PARP9: variants seen among roughly 807,000 people sequenced by gnomAD.
The protein encoded by PARP9 is protein mono-ADP-ribosyltransferase PARP9.
Under a neutral mutation model 68.8 loss-of-function variants are expected in PARP9, and 48 were observed. The ratio of observed to expected loss-of-function variants is 0.70; its 90% CI spans 0.55 to 0.89. The LOEUF is 0.89. PARP9 is among the 40% of genes least tolerant of loss of function. PARP9 has a pLI of 0.00. For synonymous variants in PARP9, 309 were observed against 333.8 expected, an observed-to-expected ratio of 0.93 and a Z score of 0.81; for missense variants, 806 against 969.3, an observed-to-expected ratio of 0.83 and a Z score of 2.24.
intron 8 of PARP9, among the ~76,000 whole-genome samples, chr3:122,538,810 C>T (rs969849730): frequency 7.9e-5 from 12 of 151,888 alleles, no homozygotes; most frequent in African/African-American, 7.3e-5. Flanking sequence ...AAAAACTAAG[C>T]GAAAATCATA....
chr3:122,559,283 T>C lies in PARP9; in HGVS notation c.15+323A>G, dbSNP rs561069271. ...TTCAAGTTTAGTAAGTGACTTCTAATCTGATCTTTCTCTATTCCCTTCTTT... is the reference window on the plus strand; with the variant it reads ...TTCAAGTTTAGTAAGTGACTTCTAACCTGATCTTTCTCTATTCCCTTCTTT... On this transcript the variant is annotated intron_variant, in intron 2 of 10. Transcript: ENST00000682323. Among the ~76,000 whole-genome samples the C allele has an allele frequency of 5.4e-4, 82 of 152,358 alleles. 1 individual carries two copies. Among genetic ancestry groups the C allele is most frequent in the Non-Finnish European group, 1.0e-3 (69 of 68,024 alleles).
At position 122,545,489 on chromosome 3, in the gene PARP9, C is replaced by T. The variant is rs779950742; in HGVS notation, c.1327G>A (p.Ala443Thr). 2 of 1,614,132 alleles carry T rather than the reference C, an allele frequency of 1.2e-6. No individual in the cohort carries two copies. The highest frequency in any genetic ancestry group is 1.7e-6 in the Non-Finnish European group (2 of 1,180,008). ...CTCTTTGCCATTTCAGAACTGAAAG[C>T]CTACAAGAAGCAAAACAGAGCAGAG... ...IFPTDLEIYK[A>T]FSSEMAKRSK... is the part of the protein sequence containing the mutation. The change falls in exon 7 of 11, where the codon GCT becomes ACT. Residue 443 changes from alanine (A) to threonine (T), a missense_variant and splice_region_variant. Physicochemically the swap from Ala to Thr is moderately conservative, Grantham distance 58 (BLOSUM62 0). Transcript: ENST00000682323.
At chr3:122,538,731 A>G (rs368575315) in intron 8 of PARP9, among the ~76,000 whole-genome samples, 40 of 151,920 alleles carry the variant, frequency 2.6e-4, no homozygotes, top group Non-Finnish European at 5.4e-4. Flanking sequence ...TAGGAGATCC[A>G]TGTTTCTTTG....
intron 10 of PARP9, chr3:122,533,860 A>G (rs1183543571): frequency 1.0e-6 from 1 of 985,342 alleles, no homozygotes; most frequent in Non-Finnish European, 1.2e-6. Flanking sequence ...TGGCCATCTA[A>G]ATTGACTGAG....
chr3:122,558,448 T>TA lies in PARP9; in HGVS notation c.34dup (p.Tyr12LeufsTer3). The TA allele has an allele frequency of 2.5e-6, 4 of 1,614,172 alleles. No homozygotes were observed. Among genetic ancestry groups the TA allele is most frequent in the Non-Finnish European group, 2.5e-6 (3 of 1,180,014 alleles). On this transcript the variant is annotated frameshift_variant, in exon 3 of 11. Coordinates refer to ENST00000682323, the MANE Select transcript of PARP9 (RefSeq NM_001146105.2). LOFTEE classifies it high-confidence loss of function. ...GGTAATCCTACCTGATTTTTCATTG[T>TA]AAGCTGCTGCTCCGGCCACCTGTGA... is the stretch of plus-strand genomic sequence containing the variant.
chr3:122,552,211 C>T (rs755577108), intron 5 of PARP9, among the ~76,000 whole-genome samples: 4 of 152,056 alleles, frequency 2.6e-5, no homozygotes, highest in South Asian at 2.1e-4. Flanking sequence ...TGAGCCACTG[C>T]GACAGACCTA....
In PARP9 at chr3:122,555,443, A is replaced by G; in HGVS notation, c.728T>C (p.Val243Ala). 1 of 1,614,156 alleles carries G rather than the reference A, an allele frequency of 6.2e-7. No individual in the cohort carries two copies. Among genetic ancestry groups the G allele is most frequent in the Non-Finnish European group, 8.5e-7 (1 of 1,180,038 alleles). The part of the protein sequence containing the change: ...MMSNLKEIHL[V>A]SNEDPTVAAF... ...AGCAACAGTAGGGTCCTCATTGCTC[A>G]CCAGGTGAATTTCTTTCAAATTACT... The change falls in exon 4 of 11, where the codon GTG (valine) becomes GCG (alanine). Residue 243 changes from valine (V) to alanine (A), a missense_variant. This residue lies in a region of PARP9 where 680 missense variants were observed against 858.8 expected (regional missense o/e 0.79). Coordinates refer to ENST00000682323, the MANE Select transcript of PARP9 (RefSeq NM_001146105.2).
At chr3:122,549,025 T>A (rs1323198803) in intron 6 of PARP9, among the ~76,000 whole-genome samples, 5 of 152,010 alleles carry the variant, frequency 3.3e-5, no homozygotes, top group Non-Finnish European at 7.4e-5. Context: ...TCATTTTTTT[T>A]TTTTTTGAGA....
At chr3:122,539,319 G>A (rs1481476545) in intron 8 of PARP9, among the ~76,000 whole-genome samples, 2 of 152,010 alleles carry the variant, frequency 1.3e-5, no homozygotes, top group African/African-American at 2.4e-5. Flanking sequence ...AGCACTTTTC[G>A]CTCTCCTCTA....
intron 10 of PARP9, chr3:122,534,343 C>T: frequency 1.0e-6 from 1 of 985,334 alleles, no homozygotes. Flanking sequence ...CTGGAAATAG[C>T]CAAGGGCCAC....
chr3:122,547,163 C>T (rs1249837990), intron 6 of PARP9, among the ~76,000 whole-genome samples: 1 of 136,428 alleles, frequency 7.3e-6, no homozygotes, highest in African/African-American at 2.8e-5. Context: ...GGTGCAATCT[C>T]GGGTCACTGC....
rs771270068 is a variant in PARP9 at position 122,550,781 on chromosome 3, C to T, written c.1129G>A (p.Glu377Lys). ...TGCTCAATGCATTTTTCCAAACACT[C>T]CTTCATTGCATGTTTTAATATCTGC... ...KPQILKHAMK[E>K]CLEKCIEQNI... Residue 377 changes from glutamate to lysine, a missense_variant, in exon 6 of 11, where the codon GAG becomes AAG. Coordinates refer to ENST00000682323, the MANE Select transcript of PARP9 (RefSeq NM_001146105.2). 4 of 1,613,834 alleles carry T rather than the reference C, an allele frequency of 2.5e-6. No individual in the cohort carries two copies. The highest frequency in any genetic ancestry group is 3.4e-6 in the Non-Finnish European group (4 of 1,179,868).
chr3:122,558,464 C>A lies in PARP9; in HGVS notation c.19G>T (p.Ala7Ser). The A allele has an allele frequency of 1.2e-6, 2 of 1,613,688 alleles. No homozygotes were observed. The highest frequency in any genetic ancestry group is 1.7e-6 in the Non-Finnish European group (2 of 1,179,804). Residue 7 changes from alanine (A) to serine (S), a missense_variant, in exon 3 of 11, where the codon GCC becomes TCC. By Grantham distance (99) the Ala-to-Ser change is moderately conservative. Around this residue, in one of 2 missense-constraint regions of PARP9, gnomAD observed 126 missense variants for 110.5 expected, o/e 1.14. Transcript: ENST00000682323. The part of the protein sequence containing the change: MDFSMV[A>S]GAAAYNEKSE... Reference sequence around the variant, plus strand: ...TTTTCATTGTAAGCTGCTGCTCCGGCCACCTGTGAAAAATGAGAATGGCTT... The same window carrying A: ...TTTTCATTGTAAGCTGCTGCTCCGGACACCTGTGAAAAATGAGAATGGCTT...
Position 122,528,710 on chromosome 3 carries a change from T to C in PARP9, c.2114A>G (p.Lys705Arg), listed in dbSNP as rs1220289680. The C allele has an allele frequency of 1.2e-6, 2 of 1,613,346 alleles. No individual in the cohort carries two copies. Among genetic ancestry groups the C allele is most frequent in the African/African-American group, 2.7e-5 (2 of 74,876 alleles). ...PKYGAGIYFTKNLKNLAEKAK... is the reference protein window; with the variant it reads ...PKYGAGIYFTRNLKNLAEKAK... ...CTTCTCTGCCAGGTTTTTGAGGTTC[T>C]TGGTGAAGTATATGCCAGCTCCGTA... The change falls in exon 11 of 11, where the codon AAG becomes AGG. Residue 705 changes from lysine (K) to arginine (R), a missense_variant. By Grantham distance (26) the Lys-to-Arg change is conservative. This residue lies in a region of PARP9 where 680 missense variants were observed against 858.8 expected (regional missense o/e 0.79). Transcript: ENST00000682323.
chr3:122,556,264 A>G, intron 3 of PARP9, 143 bp from the exon 4 acceptor site: 1 of 600,034 alleles, frequency 1.7e-6, no homozygotes, highest in Non-Finnish European at 2.8e-6. Flanking sequence ...AGTGCTCTTC[A>G]TGATTCTTCT....
chr3:122,552,135 G>C (rs2079253309), intron 5 of PARP9, among the ~76,000 whole-genome samples: 1 of 151,808 alleles, frequency 6.6e-6, no homozygotes, highest in African/African-American at 2.4e-5. Flanking sequence ...GCTTAGGCTG[G>C]TCTCAGACTC....
At chr3:122,534,004 G>C in intron 10 of PARP9, 1 of 985,446 alleles carries the variant, frequency 1.0e-6, no homozygotes, top group Non-Finnish European at 1.2e-6. Context: ...GTTCTCTCTA[G>C]CCTACAGAGA....
At chr3:122,564,623 G>A (rs747585059), upstream of PARP9, 10 of 1,578,496 alleles carry the variant, frequency 6.3e-6, no homozygotes, top group South Asian at 5.7e-5. Context: ...GGTGAGCTTC[G>A]GGCGGCCAGG....
intron 3 of PARP9, 165 bp downstream of exon 3, chr3:122,558,269 G>A (rs765323673): frequency 8.2e-5 from 127 of 1,552,836 alleles, no homozygotes; most frequent in Non-Finnish European, 1.0e-4. Flanking sequence ...CCTGCTGGTC[G>A]GTGCCACACC....
Sources: gnomAD v4.1 joint callset for allele counts (sites outside exome capture counted in the v4.1 genomes callset) on GRCh38, gnomAD v4.1.1 for gene constraint, gnomAD v4.1.1 regional missense constraint, MANE v1.5 for transcripts, NCBI Gene and HGNC (gene_info 2026-07-23, HGNC 2026-07-21) for gene names.